Variants in HAO1 observed in about 807,000 individuals in gnomAD.
HAO1 encodes the protein hydroxyacid oxidase 1, also known as 2-Hydroxyacid oxidase 1.
In HAO1, 34 loss-of-function variants were observed where a neutral mutation model predicts 39.7. The observed-to-expected ratio is 0.86, with a 90% confidence interval of 0.65 to 1.14. The LOEUF is 1.14. Among genes scored for constraint, HAO1 ranks in the 50% most tolerant of loss-of-function variants. The pLI is 0.00. For missense variants in HAO1, 479 were observed against 464.5 expected (o/e 1.03, Z -0.29); for synonymous variants, 172 against 173.2 (o/e 0.99, Z 0.05).
chr20:7,896,936 T>G (rs1334151501), intron 4 of HAO1, among the ~76,000 whole-genome samples: 2 of 152,206 alleles, frequency 1.3e-5, no homozygotes, highest in East Asian at 1.9e-4. Flanking sequence ...CTGTCTGAGT[T>G]GAATATCTTG....
At chr20:7,909,360 C>CAT (rs749171756) in intron 3 of HAO1, among the ~76,000 whole-genome samples, 4,548 of 108,926 alleles carry the variant, frequency 0.042, 182 homozygotes, top group African/African-American at 0.054. Flanking sequence ...CGGATTATGA[C>CAT]ATATATATAT....
Position 7,940,431 on chromosome 20 carries a change from G to T in HAO1, c.-9C>A. On this transcript the variant is annotated 5_prime_UTR_variant, in exon 1 of 8. Coordinates refer to ENST00000378789, the MANE Select transcript of HAO1 (RefSeq NM_017545.3). ...ATTAGCCGGGGGAGCATTTTCACAGGTTATTGCTATCCCAGATGGAGTTCG... is the reference window on the plus strand; with the variant it reads ...ATTAGCCGGGGGAGCATTTTCACAGTTTATTGCTATCCCAGATGGAGTTCG... 1.3e-6 allele frequency: 2 copies of T among 1,589,802 alleles called. No homozygotes were observed. The highest frequency in any genetic ancestry group is 1.7e-4 in the Middle Eastern group (1 of 5,988).
In HAO1 at chr20:7,896,488, CTTTG is replaced by C. The variant is rs532404028; in HGVS notation, c.722-1268_722-1265del. Among the ~76,000 whole-genome samples, 624 of 152,182 alleles carry C rather than the reference CTTTG, an allele frequency of 4.1e-3. 2 individuals carry two copies. Among genetic ancestry groups the C allele is most frequent in the African/African-American group, 0.014 (579 of 41,528 alleles). On this transcript the variant is annotated intron_variant, in intron 4 of 7. Coordinates refer to ENST00000378789, the MANE Select transcript of HAO1 (RefSeq NM_017545.3). ...AAATTATATGCTATCATTTTCCAAA[CTTTG>C]TTTTATACAAGGCTATTTTTCAACT... is the stretch of plus-strand genomic sequence containing the variant.
intron 7 of HAO1, among the ~76,000 whole-genome samples, chr20:7,885,047 GAA>G (rs985890949): frequency 1.3e-5 from 2 of 151,880 alleles, no homozygotes; most frequent in African/African-American, 4.9e-5. Flanking sequence ...TGAGAGAAAA[GAA>G]GAGTCAAGAA....
chr20:7,901,266 A>G (rs2050220163), intron 4 of HAO1, among the ~76,000 whole-genome samples: 1 of 152,180 alleles, frequency 6.6e-6, no homozygotes. Flanking sequence ...GGCTACACTG[A>G]ACAACATATT....
At chr20:7,916,770 A>G (rs2122780099) in intron 2 of HAO1, among the ~76,000 whole-genome samples, 1 of 152,322 alleles carries the variant, frequency 6.6e-6, no homozygotes, top group East Asian at 1.9e-4. Flanking sequence ...GTGGTTAGCT[A>G]CAGAAGATCT....
Position 7,883,550 on chromosome 20 carries a change from A to G in HAO1, c.*43T>C. 2 of 1,432,802 alleles carry G rather than the reference A, an allele frequency of 1.4e-6. No homozygotes were observed. The highest frequency in any genetic ancestry group is 2.0e-6 in the Non-Finnish European group (2 of 1,014,474). The allele number at this position is 1,432,802 out of a possible 1,614,324, so 88.8% of individuals were successfully genotyped here. A position where few individuals can be genotyped will look rare whatever the true frequency, so the allele number is the denominator to read the frequency against. ...ACAGTGTCTCTTTGTCAAGTAATAC[A>G]TGCTGAAAAAAAATAATACAGATGG... On this transcript the variant is annotated 3_prime_UTR_variant, in exon 8 of 8. Transcript: ENST00000378789.
intron 5 of HAO1, among the ~76,000 whole-genome samples, chr20:7,888,334 C>T (rs1600104708): frequency 6.6e-6 from 1 of 152,170 alleles, no homozygotes; most frequent in South Asian, 2.1e-4. Flanking sequence ...ATGCTCCCTG[C>T]ACAACTTGCT....
intron 4 of HAO1, among the ~76,000 whole-genome samples, chr20:7,901,090 G>A (rs1006271794): frequency 6.6e-6 from 1 of 152,186 alleles, no homozygotes; most frequent in Non-Finnish European, 1.5e-5. Flanking sequence ...TGAGAGAGGT[G>A]AGGAAGCTGC....
intron 5 of HAO1, among the ~76,000 whole-genome samples, chr20:7,887,489 T>C (rs983354940): frequency 6.6e-6 from 1 of 152,092 alleles, no homozygotes; most frequent in Non-Finnish European, 1.5e-5. Flanking sequence ...GGTAAGGCGA[T>C]TTTCCTCTTT....
intron 4 of HAO1, among the ~76,000 whole-genome samples, chr20:7,904,712 A>G (rs1049434091): frequency 3.3e-5 from 5 of 152,276 alleles, no homozygotes; most frequent in Non-Finnish European, 7.3e-5. Context: ...AGGATCTAAA[A>G]TTATTTTATT....
At position 7,891,802 on chromosome 20, in the gene HAO1, A is replaced by C. The variant is rs190816212; in HGVS notation, c.813+3331T>G. On this transcript the variant is annotated intron_variant, in intron 5 of 7. Transcript: ENST00000378789. ...ACACCATTTGGCTATTTTTCCCTTAAAATCTAGTTAGATTTGATTTCAGTA... is the reference window on the plus strand; with the variant it reads ...ACACCATTTGGCTATTTTTCCCTTACAATCTAGTTAGATTTGATTTCAGTA... Among the ~76,000 whole-genome samples the C allele has an allele frequency of 2.5e-3, 377 of 152,312 alleles. 2 individuals carry two copies. The highest frequency in any genetic ancestry group is 8.4e-3 in the African/African-American group (349 of 41,558).
Position 7,914,310 on chromosome 20 carries a change from G to C in HAO1, c.399C>G (p.Ile133Met). ...TCTTGGTGACTTCTCGGTCCTTGTA[G>C]ATATACAGTTGCAGCCAACGAAGTG... Reference protein sequence around the residue: ...PEALRWLQLYIYKDREVTKKL... With the variant: ...PEALRWLQLYMYKDREVTKKL... The change falls in exon 3 of 8, where the codon ATC becomes ATG. Residue 133 changes from isoleucine (I) to methionine (M), a missense_variant. Ile to Met is a conservative substitution (Grantham distance 10). Transcript: ENST00000378789. The C allele has an allele frequency of 6.2e-7, 1 of 1,614,030 alleles. No individual in the cohort carries two copies. The highest frequency in any genetic ancestry group is 8.5e-7 in the Non-Finnish European group (1 of 1,179,976).
At chr20:7,914,925 C>A (rs531421259) in intron 2 of HAO1, among the ~76,000 whole-genome samples, 72 of 152,210 alleles carry the variant, frequency 4.7e-4, no homozygotes, top group Admixed American at 2.1e-3. Flanking sequence ...TCGAGACCAG[C>A]CTGACCAACG....
intron 4 of HAO1, among the ~76,000 whole-genome samples, chr20:7,898,437 T>C (rs2050206927): frequency 6.6e-6 from 1 of 152,216 alleles, no homozygotes; most frequent in Non-Finnish European, 1.5e-5. Context: ...CATTGGTGTA[T>C]ACATATTTGC....
In HAO1 at chr20:7,885,565, AG is replaced by A. The variant is rs1186715161; in HGVS notation, c.997del (p.Leu333SerfsTer4). 1 of 1,612,108 alleles carries A rather than the reference AG, an allele frequency of 6.2e-7. No homozygotes were observed. The highest frequency in any genetic ancestry group is 1.1e-5 in the South Asian group (1 of 91,046). ...FQGEKGVQDV[L>X]EILKEEFRLA... ...CCGGAATTCTTCCTTTAGTATCTCG[AG>A]GACATCTTGAACACCTTTCTCCCCC... On this transcript the variant is annotated frameshift_variant, in exon 7 of 8. Coordinates refer to ENST00000378789, the MANE Select transcript of HAO1 (RefSeq NM_017545.3). LOFTEE classifies it high-confidence loss of function.
chr20:7,912,160 C>T (rs1293739723), intron 3 of HAO1, among the ~76,000 whole-genome samples: 1 of 152,168 alleles, frequency 6.6e-6, no homozygotes, highest in Non-Finnish European at 1.5e-5. Context: ...CAGTTCTATG[C>T]ACACCGACAG....
intron 4 of HAO1, among the ~76,000 whole-genome samples, chr20:7,899,453 C>T (rs2050211703): frequency 6.6e-6 from 1 of 152,104 alleles, no homozygotes. Flanking sequence ...TATTTGGGTT[C>T]TGTTTATAAC....
rs370600558 is a variant in HAO1 at position 7,914,229 on chromosome 20, G to A, written c.480C>T (p.Asp160=). ...CCAGACGGTTGCCCAGGTAAGGTGT[G>A]TCCACTGTCACAAATATGGCCTTGT... ...MGYKAIFVTV[D]TPYLGNRLDD... is the part of the protein sequence containing the mutation. The change falls in exon 3 of 8, where the codon GAC becomes GAT. Residue 160 remains aspartate (D), a synonymous_variant. Transcript: ENST00000378789. 1.2e-6 allele frequency: 2 copies of A among 1,613,904 alleles called. No individual in the cohort carries two copies. Among genetic ancestry groups the A allele is most frequent in the South Asian group, 1.1e-5 (1 of 91,080 alleles).
Sources: gnomAD v4.1 joint callset for allele counts (sites outside exome capture counted in the v4.1 genomes callset) on GRCh38, gnomAD v4.1.1 for gene constraint, MANE v1.5 for transcripts, NCBI Gene and HGNC (gene_info 2026-07-23, HGNC 2026-07-21) for gene names.